The following SGSM1 variants were observed in gnomAD, a reference collection of about 807,000 sequenced individuals.
SGSM1 encodes RUN and TBC1 domain containing 2.
Under a neutral mutation model 133.8 loss-of-function variants are expected in SGSM1, and 73 were observed. The ratio of observed to expected loss-of-function variants is 0.55; its 90% CI spans 0.45 to 0.66. The LOEUF (loss-of-function observed/expected upper bound fraction) is 0.66, where lower values mean the gene tolerates loss of function less well. SGSM1 is among the 30% of genes least tolerant of loss of function. SGSM1 has a pLI of 0.00. For synonymous variants in SGSM1, 563 were observed against 573.0 expected, an observed-to-expected ratio of 0.98 and a Z score of 0.25; for missense variants, 1,213 against 1,448.1, an observed-to-expected ratio of 0.84 and a Z score of 2.64.
chr22:24,887,325 A>T (rs1474876575), intron 16 of SGSM1, among the ~76,000 whole-genome samples: 1 of 152,040 alleles, frequency 6.6e-6, no homozygotes, highest in Non-Finnish European at 1.5e-5. Flanking sequence ...TAATTTTGTC[A>T]TCTCAAGAAT....
chr22:24,882,734 T>C (rs1179463810), intron 14 of SGSM1, among the ~76,000 whole-genome samples: 1 of 152,148 alleles, frequency 6.6e-6, no homozygotes, highest in Non-Finnish European at 1.5e-5. Flanking sequence ...CTTTTTTAGA[T>C]CCCATTATAA....
At position 24,884,125 on chromosome 22, in the gene SGSM1, C is replaced by G. The variant is rs1465654198; in HGVS notation, c.1568C>G (p.Ser523Cys). Residue 523 changes from serine to cysteine, a missense_variant, in exon 15 of 25, where the codon TCT becomes TGT. Physicochemically the swap from Ser to Cys is moderately radical, Grantham distance 112. Coordinates refer to ENST00000400358, the MANE Select transcript of SGSM1 (RefSeq NM_001098497.3). ...LSALVNHMIV[S>C]PDLPCDAGQG... The stretch of plus-strand genomic sequence containing the variant: ...GCCCTGGTCAATCACATGATCGTGT[C>G]TCCAGACTTGCCCTGCGATGCTGGA... 3.7e-6 allele frequency: 6 copies of G among 1,613,788 alleles called. No homozygotes were observed. In the African/African-American group the frequency reaches 6.7e-5, roughly 18 times the overall value.
Position 24,911,559 on chromosome 22 carries a change from A to G in SGSM1, c.2819-1084A>G, listed in dbSNP as rs528329804. On this transcript the variant is annotated intron_variant, in intron 21 of 24. Transcript: ENST00000400358. ...TGAGAAACCTGACAAACACGACCTCAGCCAGGTGACCATGGCCAACATCAG... is the reference window on the plus strand; with the variant it reads ...TGAGAAACCTGACAAACACGACCTCGGCCAGGTGACCATGGCCAACATCAG... Among the ~76,000 whole-genome samples the G allele has an allele frequency of 3.1e-4, 47 of 152,276 alleles. No individual in the cohort carries two copies. In the South Asian group the frequency reaches 9.5e-3, roughly 31 times the overall value.
chr22:24,837,073 G>C (rs539345155), intron 2 of SGSM1, among the ~76,000 whole-genome samples: 7 of 152,318 alleles, frequency 4.6e-5, no homozygotes, highest in South Asian at 4.2e-4. Flanking sequence ...TAGAAATAAA[G>C]ACACAAGACA....
intron 14 of SGSM1, among the ~76,000 whole-genome samples, 173 bp from the exon 15 acceptor site, chr22:24,883,880 T>A (rs1160543145): frequency 6.6e-6 from 1 of 152,140 alleles, no homozygotes; most frequent in Non-Finnish European, 1.5e-5. Context: ...CGCATCAGCC[T>A]GGGAGGTTGA....
chr22:24,850,372 G>T lies in SGSM1; in HGVS notation c.395G>T (p.Arg132Leu), dbSNP rs759247466. 2 of 1,613,840 alleles carry T rather than the reference G, an allele frequency of 1.2e-6. No individual in the cohort carries two copies. Among genetic ancestry groups the T allele is most frequent in the Non-Finnish European group, 1.7e-6 (2 of 1,179,900 alleles). The change falls in exon 5 of 25, where the codon CGC becomes CTC. Residue 132 changes from arginine (R) to leucine (L), a missense_variant. Arg to Leu is a moderately radical substitution (Grantham distance 102). Coordinates refer to ENST00000400358, the MANE Select transcript of SGSM1 (RefSeq NM_001098497.3). Reference sequence around the variant, plus strand: ...CTTGCCATCAAGCATCTGTGGATTCGCACAGCCTTGTTTGAGAAGGTCCTG... The same window carrying T: ...CTTGCCATCAAGCATCTGTGGATTCTCACAGCCTTGTTTGAGAAGGTCCTG... ...SPLAIKHLWI[R>L]TALFEKVLDK...
intron 22 of SGSM1, among the ~76,000 whole-genome samples, chr22:24,917,396 G>A (rs769218420): frequency 4.6e-5 from 7 of 152,150 alleles, no homozygotes; most frequent in East Asian, 3.8e-4. Context: ...ATCCTAGTGC[G>A]TGTGAATTGG....
intron 2 of SGSM1, among the ~76,000 whole-genome samples, chr22:24,824,055 G>A (rs1601893282): frequency 6.6e-6 from 1 of 152,352 alleles, no homozygotes; most frequent in South Asian, 2.1e-4. Flanking sequence ...GGGATTCTGG[G>A]AGTCTGATTC....
intron 4 of SGSM1, among the ~76,000 whole-genome samples, 196 bp from the exon 5 acceptor site, chr22:24,850,084 A>G (rs1008447653): frequency 3.9e-5 from 6 of 152,122 alleles, no homozygotes; most frequent in Non-Finnish European, 7.4e-5. Flanking sequence ...TGTCTTGTTT[A>G]ACCACATCTG....
chr22:24,903,877 CAG>C (rs770280215), intron 20 of SGSM1, among the ~76,000 whole-genome samples: 107 of 149,796 alleles, frequency 7.1e-4, no homozygotes, highest in Non-Finnish European at 1.3e-3. Context: ...GAGGCTGAGA[CAG>C]GGGAATTGCT....
Position 24,884,059 on chromosome 22 carries a change from C to G in SGSM1, c.1502C>G (p.Ala501Gly). ...TCCCTCCCTCCCTCAACAGGGCTGG[C>G]CTACTGCAGACACCTGTCCACCGTG... is the stretch of plus-strand genomic sequence containing the variant. ...ILSRAFYGWLAYCRHLSTVRT... is the reference protein window; with the variant it reads ...ILSRAFYGWLGYCRHLSTVRT... The change falls in exon 15 of 25, where the codon GCC becomes GGC. Residue 501 changes from alanine (A) to glycine (G), a missense_variant. By Grantham distance (60) the Ala-to-Gly change is moderately conservative (BLOSUM62 0). Coordinates refer to ENST00000400358, the MANE Select transcript of SGSM1 (RefSeq NM_001098497.3). The G allele has an allele frequency of 6.2e-7, 1 of 1,610,926 alleles. No individual in the cohort carries two copies. The highest frequency in any genetic ancestry group is 8.5e-7 in the Non-Finnish European group (1 of 1,178,438).
At chr22:24,887,047 G>A (rs952363950) in intron 16 of SGSM1, among the ~76,000 whole-genome samples, 1 of 151,746 alleles carries the variant, frequency 6.6e-6, no homozygotes, top group Non-Finnish European at 1.5e-5. Flanking sequence ...GGAACCAGAA[G>A]ATTGACATGG....
chr22:24,840,326 T>G (rs139137881), intron 2 of SGSM1, among the ~76,000 whole-genome samples: 1,998 of 152,188 alleles, frequency 0.013, 45 homozygotes, highest in African/African-American at 0.044. Flanking sequence ...CTTTATTTTT[T>G]AATTTTTGAA....
chr22:24,859,884 C>A, intron 9 of SGSM1, 44 bp downstream of exon 9: 1 of 1,608,646 alleles, frequency 6.2e-7, no homozygotes, highest in South Asian at 1.1e-5. Flanking sequence ...TCCCTCCACT[C>A]GCCTTGGCAC....
At chr22:24,811,306 A>ACC (rs1159391995) in intron 2 of SGSM1, among the ~76,000 whole-genome samples, 4 of 151,920 alleles carry the variant, frequency 2.6e-5, no homozygotes, top group Non-Finnish European at 4.4e-5. Context: ...CGCTCACCCT[A>ACC]CCCATCCTGC....
At chr22:24,923,873 C>T (rs1473241071) in intron 24 of SGSM1, among the ~76,000 whole-genome samples, 10 of 152,064 alleles carry the variant, frequency 6.6e-5, no homozygotes, top group East Asian at 1.9e-4. Flanking sequence ...CCACCTGCCT[C>T]GGCCTCCCAA....
intron 20 of SGSM1, 119 bp downstream of exon 20, chr22:24,902,076 G>T: frequency 9.5e-7 from 1 of 1,053,528 alleles, no homozygotes; most frequent in Non-Finnish European, 1.4e-6. Context: ...TACTCACCTG[G>T]AATCTTACTT....
intron 4 of SGSM1, 126 bp downstream of exon 4, chr22:24,847,922 C>T: frequency 7.7e-7 from 1 of 1,303,374 alleles, no homozygotes; most frequent in Non-Finnish European, 1.0e-6. Flanking sequence ...CTCAAACCCA[C>T]CAGACTCTTT....
At chr22:24,840,627 G>A (rs369322621) in intron 2 of SGSM1, among the ~76,000 whole-genome samples, 2 of 152,262 alleles carry the variant, frequency 1.3e-5, no homozygotes, top group East Asian at 3.9e-4. Flanking sequence ...ACAGGTGTGA[G>A]CCACCATGCC....
Sources: allele counts gnomAD v4.1 joint callset (sites outside exome capture counted in the v4.1 genomes callset), GRCh38; gene constraint gnomAD v4.1.1; transcripts MANE v1.5; gene names NCBI Gene and HGNC (gene_info 2026-07-23, HGNC 2026-07-21).